Variants in KIAA0825 observed in about 807,000 individuals in gnomAD.
KIAA0825 encodes uncharacterized protein KIAA0825.
In KIAA0825, 119 loss-of-function variants were observed where a neutral mutation model predicts 147.6. The ratio of observed to expected loss-of-function variants is 0.81; its 90% confidence interval spans 0.69 to 0.94. KIAA0825 has a LOEUF of 0.94. Among genes scored for constraint, KIAA0825 ranks in the 40% least tolerant of loss-of-function variants. The probability of loss-of-function intolerance (pLI) is 0.00; values close to 1 mark genes in which losing one functional copy is unlikely to be tolerated. For missense variants in KIAA0825, 1,381 were observed against 1,472.7 expected, an observed-to-expected ratio of 0.94 and a Z score of 1.02; for synonymous variants, 470 against 518.1, an observed-to-expected ratio of 0.91 and a Z score of 1.26.
chr5:94,601,636 A>C (rs1269730811), intron 1 of KIAA0825, among the ~76,000 whole-genome samples: 2 of 152,200 alleles, frequency 1.3e-5, no homozygotes, highest in Non-Finnish European at 2.9e-5. Flanking sequence ...CAATGCAAGA[A>C]AGCTAAAAAT....
At chr5:94,187,410 T>G (rs796472206) in intron 20 of KIAA0825, among the ~76,000 whole-genome samples, 10 of 149,358 alleles carry the variant, frequency 6.7e-5, no homozygotes, top group Admixed American at 2.7e-4. Flanking sequence ...GAGTTTTTTT[T>G]TTTTTTTTTT....
chr5:94,413,206 T>A (rs1289807883), intron 15 of KIAA0825: 2 of 152,100 alleles, frequency 1.3e-5, no homozygotes, highest in Non-Finnish European at 1.5e-5. Flanking sequence ...CACTTTGGCC[T>A]CCCAAAGTGC....
intron 20 of KIAA0825, among the ~76,000 whole-genome samples, chr5:94,161,633 A>T (rs2149920477): frequency 6.6e-6 from 1 of 151,990 alleles, no homozygotes; most frequent in Non-Finnish European, 1.5e-5. Flanking sequence ...GTTGCATTAA[A>T]TTTTTTTTCA....
intron 20 of KIAA0825, among the ~76,000 whole-genome samples, chr5:94,229,630 T>C (rs942081823): frequency 9.2e-5 from 14 of 152,002 alleles, no homozygotes; most frequent in Non-Finnish European, 2.1e-4. Context: ...ATTGTTATCG[T>C]TTCCTGTATT....
intron 20 of KIAA0825, among the ~76,000 whole-genome samples, chr5:94,200,703 C>G (rs1771582081): frequency 6.6e-6 from 1 of 151,994 alleles, no homozygotes; most frequent in Non-Finnish European, 1.5e-5. Flanking sequence ...TCTCATTCTA[C>G]TATTTATCCT....
chr5:94,455,314 A>T (rs1758963779), intron 12 of KIAA0825, among the ~76,000 whole-genome samples: 1 of 152,180 alleles, frequency 6.6e-6, no homozygotes, highest in South Asian at 2.1e-4. Context: ...GTAGGCCAAG[A>T]CACAGGAGAA....
chr5:94,276,733 AAATTT>A (rs1322895479), intron 20 of KIAA0825, among the ~76,000 whole-genome samples: 8 of 152,130 alleles, frequency 5.3e-5, no homozygotes, highest in African/African-American at 1.9e-4. Flanking sequence ...ATTATTAAAT[AAATTT>A]AATTCTTATC....
At chr5:94,318,424 A>T (rs1480611706) in intron 20 of KIAA0825, among the ~76,000 whole-genome samples, 1 of 151,958 alleles carries the variant, frequency 6.6e-6, no homozygotes, top group African/African-American at 2.4e-5. Flanking sequence ...TACAAATAAT[A>T]TTAATACGAT....
At chr5:94,508,824 C>G (rs1040076931) in intron 5 of KIAA0825, among the ~76,000 whole-genome samples, 2 of 152,178 alleles carry the variant, frequency 1.3e-5, no homozygotes, top group Non-Finnish European at 2.9e-5. Context: ...CCCCTGAGGC[C>G]TGGTGCTACC....
Position 94,537,072 on chromosome 5 carries a change from T to A in KIAA0825, c.55A>T (p.Asn19Tyr), listed in dbSNP as rs1772181752. 1 of 1,610,576 alleles carries A rather than the reference T, an allele frequency of 6.2e-7. No individual in the cohort carries two copies. Among genetic ancestry groups the A allele is most frequent in the African/African-American group, 1.3e-5 (1 of 74,970 alleles). The change falls in exon 3 of 21, where the codon AAC (asparagine) becomes TAC (tyrosine). Residue 19 changes from asparagine to tyrosine, a missense_variant. Transcript: ENST00000682413. ...AACTCCAAGTCTCCAGGAAATGAGT[T>A]TAACAAACAATGTAGGTCAAAAGAA... ...HNSFDLHCLL[N>Y]SFPGDLEFEQ...
At chr5:94,199,113 C>T (rs1483003064) in intron 20 of KIAA0825, among the ~76,000 whole-genome samples, 2 of 152,154 alleles carry the variant, frequency 1.3e-5, no homozygotes, top group African/African-American at 4.8e-5. Context: ...GGTAAGAAGA[C>T]ACTCTCGCTT....
intron 2 of KIAA0825, among the ~76,000 whole-genome samples, chr5:94,581,938 A>G (rs1397799977): frequency 6.6e-6 from 1 of 152,160 alleles, no homozygotes; most frequent in Non-Finnish European, 1.5e-5. Flanking sequence ...TCCCTTTCAG[A>G]GTCTGAGTGT....
chr5:94,262,398 A>C (rs979168444), intron 20 of KIAA0825, among the ~76,000 whole-genome samples: 17 of 152,144 alleles, frequency 1.1e-4, no homozygotes, highest in African/African-American at 4.1e-4. Context: ...ATCTATATAA[A>C]AATTTAAATA....
At chr5:94,450,976 C>T (rs1373409561) in intron 13 of KIAA0825, among the ~76,000 whole-genome samples, 1 of 152,110 alleles carries the variant, frequency 6.6e-6, no homozygotes, top group Non-Finnish European at 1.5e-5. Context: ...CAGTTTTGTT[C>T]TCTCCAGAAT....
At position 94,152,822 on chromosome 5, in the gene KIAA0825, A is replaced by G. The variant is rs1380996253; in HGVS notation, c.*1185T>C. 1.8e-3 allele frequency: 5 copies of G among 2,720 alleles called. No homozygotes were observed. The highest frequency in any genetic ancestry group is 3.9e-3 in the Non-Finnish European group (5 of 1,282). 0.2% of individuals were successfully genotyped at this position (2,720 alleles called of 1,614,324 possible). ...AGAGCAAGACCCTGTTTCTAAAATG[A>G]AAAAAAAAAAAAAAAAAAAAAAAAA... On this transcript the variant is annotated 3_prime_UTR_variant, in exon 21 of 21. Coordinates refer to ENST00000682413, the MANE Select transcript of KIAA0825 (RefSeq NM_001145678.3).
chr5:94,467,927 T>C (rs1296445384), intron 10 of KIAA0825, among the ~76,000 whole-genome samples: 1 of 152,178 alleles, frequency 6.6e-6, no homozygotes, highest in East Asian at 1.9e-4. Flanking sequence ...GTCAAAACAG[T>C]TTAAAATCAG....
chr5:94,438,907 C>A (rs917783353), intron 14 of KIAA0825, among the ~76,000 whole-genome samples: 4 of 152,068 alleles, frequency 2.6e-5, no homozygotes, highest in African/African-American at 7.2e-5. Context: ...ATAAAGTAGC[C>A]AAGACGAAAG....
chr5:94,493,811 C>T (rs1009644170), intron 5 of KIAA0825, among the ~76,000 whole-genome samples: 2 of 152,018 alleles, frequency 1.3e-5, no homozygotes, highest in Admixed American at 6.6e-5. Context: ...TTTATACCTT[C>T]TTTCTCTGAT....
chr5:94,281,007 CTTAATATAGAGAGAAGCCA>C (rs1294993679), intron 20 of KIAA0825, among the ~76,000 whole-genome samples: 1 of 152,058 alleles, frequency 6.6e-6, no homozygotes, highest in Middle Eastern at 3.2e-3. Flanking sequence ...TTCTAAATAT[CTTAATATAGAGAGAAGCCA>C]ATCATAAATG....
Sources: allele counts gnomAD v4.1 joint callset (sites outside exome capture counted in the v4.1 genomes callset), GRCh38; gene constraint gnomAD v4.1.1; transcripts MANE v1.5; gene names NCBI Gene and HGNC (gene_info 2026-07-23, HGNC 2026-07-21).